The following PGD variants were observed in gnomAD, a reference collection of about 807,000 sequenced individuals.
PGD encodes the protein phosphogluconate dehydrogenase.
A neutral mutation model predicts 60.4 loss-of-function variants in PGD; 21 were observed. The observed-to-expected ratio is 0.35, with a 90% CI of 0.25 to 0.50. PGD has a LOEUF of 0.50. Ranked by LOEUF, PGD falls within the 20% of genes least tolerant of loss-of-function variation. The pLI, the probability that PGD is intolerant of heterozygous loss-of-function variation, is 0.98. For missense variants in PGD, 477 were observed against 613.1 expected (o/e 0.78, Z 2.34); for synonymous variants, 230 against 235.9 (o/e 0.97, Z 0.23).
chr1:10,407,482 G>A (rs1312078950), intron 5 of PGD, among the ~76,000 whole-genome samples: 2 of 152,098 alleles, frequency 1.3e-5, no homozygotes, highest in African/African-American at 4.8e-5. Flanking sequence ...CTTTGGTGAT[G>A]CTTCTGCTCA....
chr1:10,418,973 C>A, intron 11 of PGD, 48 bp downstream of exon 11: 1 of 1,024,512 alleles, frequency 9.8e-7, no homozygotes, highest in Non-Finnish European at 1.5e-6. Context: ...TCCCTGGGGC[C>A]ATCAGTTGTG....
intron 4 of PGD, 71 bp from the exon 5 acceptor site, chr1:10,404,090 G>C: frequency 9.6e-7 from 1 of 1,041,394 alleles, no homozygotes; most frequent in Non-Finnish European, 1.4e-6. Context: ...AAACATTTTT[G>C]GGTAGCATAA....
At chr1:10,417,567 G>A in intron 10 of PGD, 58 bp downstream of exon 10, 3 of 1,539,930 alleles carry the variant, frequency 1.9e-6, no homozygotes, top group Non-Finnish European at 2.6e-6. Flanking sequence ...GTGCAGAAGT[G>A]CGATCTTAGG....
intron 8 of PGD, 28 bp from the exon 9 acceptor site, chr1:10,416,959 G>A: frequency 6.2e-7 from 1 of 1,609,774 alleles, no homozygotes; most frequent in South Asian, 1.1e-5. Flanking sequence ...ACAGTAATCT[G>A]TTTCCTCTTC....
At chr1:10,412,802 C>A in intron 7 of PGD, 1 of 412,948 alleles carries the variant, frequency 2.4e-6, no homozygotes, top group Non-Finnish European at 4.4e-6. Flanking sequence ...TGCACAGAGA[C>A]CTAAGTGAAG....
intron 5 of PGD, among the ~76,000 whole-genome samples, chr1:10,407,302 T>C (rs1421091440): frequency 6.6e-6 from 1 of 152,074 alleles, no homozygotes; most frequent in Non-Finnish European, 1.5e-5. Flanking sequence ...AGTTTTTAAT[T>C]AGCTGGGTGT....
intron 5 of PGD, among the ~76,000 whole-genome samples, 168 bp from the exon 6 acceptor site, chr1:10,407,903 C>A (rs1303391562): frequency 2.0e-5 from 3 of 150,118 alleles, no homozygotes; most frequent in African/African-American, 7.4e-5. Context: ...GAGCTGAGAT[C>A]ACACCACTGC....
chr1:10,405,138 G>T (rs1214350368), intron 5 of PGD, among the ~76,000 whole-genome samples: 1 of 151,376 alleles, frequency 6.6e-6, no homozygotes, highest in East Asian at 2.0e-4. Flanking sequence ...ACTTCGGGAG[G>T]CTGAGGCAGG....
intron 10 of PGD, among the ~76,000 whole-genome samples, chr1:10,418,192 A>G (rs865939427): frequency 1.3e-5 from 2 of 152,242 alleles, no homozygotes; most frequent in African/African-American, 4.8e-5. Flanking sequence ...TCATTTGATG[A>G]ATCTGATTTT....
At chr1:10,402,378 A>G (rs1639329620) in intron 3 of PGD, among the ~76,000 whole-genome samples, 1 of 151,602 alleles carries the variant, frequency 6.6e-6, no homozygotes. Flanking sequence ...TCAGCCCTAA[A>G]CTTTTAAATA....
At chr1:10,409,799 G>T (rs1639468737) in intron 6 of PGD, among the ~76,000 whole-genome samples, 2 of 151,896 alleles carry the variant, frequency 1.3e-5, no homozygotes, top group Admixed American at 1.3e-4. Context: ...GGGATTACAG[G>T]CATGTGCCAC....
intron 1 of PGD, 63 bp from the exon 2 acceptor site, chr1:10,399,566 C>T (rs1416970416): frequency 1.4e-6 from 2 of 1,430,056 alleles, no homozygotes; most frequent in Non-Finnish European, 2.0e-6. Flanking sequence ...AGGACCGGAC[C>T]CCTGGGTTGC....
chr1:10,406,314 CTG>C (rs1217861790), intron 5 of PGD, among the ~76,000 whole-genome samples: 4 of 151,622 alleles, frequency 2.6e-5, no homozygotes, highest in South Asian at 2.1e-4. Flanking sequence ...ATTCAGGAGA[CTG>C]AGGTGAGAGA....
intron 5 of PGD, 124 bp from the exon 6 acceptor site, chr1:10,407,947 T>C: frequency 1.5e-6 from 1 of 652,100 alleles, no homozygotes; most frequent in Non-Finnish European, 2.8e-6. Context: ...AGACCCTGTC[T>C]CAAAAAAAAA....
intron 3 of PGD, among the ~76,000 whole-genome samples, chr1:10,401,367 A>C (rs571323432): frequency 6.6e-6 from 1 of 152,354 alleles, no homozygotes; most frequent in East Asian, 1.9e-4. Context: ...ATAATTCTAT[A>C]GTAACAACTC....
At chr1:10,401,683 A>G (rs1221735729) in intron 3 of PGD, among the ~76,000 whole-genome samples, 1 of 152,220 alleles carries the variant, frequency 6.6e-6, no homozygotes, top group African/African-American at 2.4e-5. Flanking sequence ...ATACTAAGTA[A>G]TGTTAACTGG....
chr1:10,418,995 T>G (rs1257271282), intron 11 of PGD, 70 bp downstream of exon 11: 1 of 944,288 alleles, frequency 1.1e-6, no homozygotes, highest in Non-Finnish European at 1.7e-6. Flanking sequence ...TGTTTGGTTT[T>G]TTGTTTTTTT....
intron 6 of PGD, among the ~76,000 whole-genome samples, chr1:10,408,624 C>G (rs1480275385): frequency 6.6e-6 from 1 of 152,168 alleles, no homozygotes; most frequent in Non-Finnish European, 1.5e-5. Context: ...GACTTGCACC[C>G]TCACTGAATA....
Position 10,411,541 on chromosome 1 carries a change from G to T in PGD, c.643G>T (p.Glu215Ter). 1 of 1,614,074 alleles carries T rather than the reference G, an allele frequency of 6.2e-7. No individual in the cohort carries two copies. The highest frequency in any genetic ancestry group is 8.5e-7 in the Non-Finnish European group (1 of 1,179,958). Residue 215 changes from glutamate (E) to a stop codon, truncating the protein, a stop_gained, in exon 7 of 13, where the codon GAG becomes TAG. Transcript: ENST00000270776. LOFTEE classifies it high-confidence loss of function. Reference sequence around the variant, plus strand: ...AGACGTGCTGGGCATGGCGCAGGACGAGATGGCCCAGGTGAGGCCCCGGCA... The same window carrying T: ...AGACGTGCTGGGCATGGCGCAGGACTAGATGGCCCAGGTGAGGCCCCGGCA... The part of the protein sequence containing the change: ...MKDVLGMAQD[E>*]MAQAFEDWNK...
Sources: allele counts gnomAD v4.1 joint callset (sites outside exome capture counted in the v4.1 genomes callset), GRCh38; gene constraint gnomAD v4.1.1; transcripts MANE v1.5; gene names NCBI Gene and HGNC (gene_info 2026-07-23, HGNC 2026-07-21).